The following KIAA0319 variants were observed in gnomAD, a reference collection of about 807,000 sequenced individuals.
The protein encoded by KIAA0319 is KIAA0319, also known as dyslexia-associated protein KIAA0319.
Under a neutral mutation model 108.4 loss-of-function variants are expected in KIAA0319, and 83 were observed. That is an observed-to-expected ratio of 0.77 (90% CI 0.64 to 0.92). KIAA0319 has a LOEUF of 0.92. Among genes scored for constraint, KIAA0319 ranks in the 40% least tolerant of loss-of-function variants. KIAA0319 has a pLI of 0.00. For missense variants in KIAA0319, 1,195 were observed against 1,322.4 expected (o/e 0.90, Z 1.49); for synonymous variants, 484 against 510.4 (o/e 0.95, Z 0.70).
At chr6:24,547,378 G>A (rs2817245) in intron 20 of KIAA0319, 35 bp from the exon 21 acceptor site, 290,468 of 1,579,254 alleles carry the variant, frequency 0.18, 28,854 homozygotes, top group African/African-American at 0.37. Context: ...GAGGAGGAAC[G>A]CCGTGATTCA....
intron 9 of KIAA0319, among the ~76,000 whole-genome samples, chr6:24,577,750 A>C (rs1765751736): frequency 6.6e-6 from 1 of 152,154 alleles, no homozygotes; most frequent in South Asian, 2.1e-4. Flanking sequence ...AAACATCTAA[A>C]GTCCTTCCTT....
At chr6:24,624,239 A>G (rs1774403019) in intron 1 of KIAA0319, among the ~76,000 whole-genome samples, 1 of 126,724 alleles carries the variant, frequency 7.9e-6, no homozygotes, top group Middle Eastern at 5.1e-3. Context: ...ACAGGGTTTC[A>G]TCATATTGCC....
At chr6:24,570,929 G>A (rs887608942) in intron 11 of KIAA0319, among the ~76,000 whole-genome samples, 2 of 152,114 alleles carry the variant, frequency 1.3e-5, no homozygotes, top group African/African-American at 2.4e-5. Flanking sequence ...GGTAGTTCAC[G>A]CCTGTAATCC....
At chr6:24,574,089 T>C (rs1382437130) in intron 10 of KIAA0319, among the ~76,000 whole-genome samples, 1 of 152,084 alleles carries the variant, frequency 6.6e-6, no homozygotes, top group African/African-American at 2.4e-5. Context: ...CACTCCAGCC[T>C]GGGCCACAGA....
At chr6:24,628,044 A>G (rs1025921431) in intron 1 of KIAA0319, among the ~76,000 whole-genome samples, 23 of 152,224 alleles carry the variant, frequency 1.5e-4, no homozygotes, top group Non-Finnish European at 2.2e-4. Context: ...CATTGCTTCC[A>G]GGTTTTATAT....
chr6:24,601,610 T>C (rs1364286880), intron 1 of KIAA0319, among the ~76,000 whole-genome samples: 3 of 152,222 alleles, frequency 2.0e-5, no homozygotes, highest in Non-Finnish European at 4.4e-5. Flanking sequence ...TTGGAGGCTG[T>C]TGCAGTGGGA....
intron 4 of KIAA0319, among the ~76,000 whole-genome samples, chr6:24,585,835 T>TC (rs1030566686): frequency 1.3e-5 from 2 of 152,102 alleles, no homozygotes; most frequent in Admixed American, 6.5e-5. Context: ...ACACCTGTAA[T>TC]CCCAGTACTT....
chr6:24,587,743 C>T (rs139255433), intron 4 of KIAA0319, among the ~76,000 whole-genome samples: 442 of 152,082 alleles, frequency 2.9e-3, no homozygotes, highest in African/African-American at 9.7e-3. Flanking sequence ...TGTGCCACCA[C>T]GCCCAGCTAA....
chr6:24,564,615 G>A (rs1017857216), intron 14 of KIAA0319, among the ~76,000 whole-genome samples: 3 of 152,184 alleles, frequency 2.0e-5, no homozygotes, highest in African/African-American at 7.2e-5. Context: ...ATAATTAATT[G>A]TATCCAACAA....
intron 16 of KIAA0319, among the ~76,000 whole-genome samples, chr6:24,559,396 A>G (rs563848862): frequency 2.0e-5 from 3 of 152,378 alleles, no homozygotes; most frequent in Non-Finnish European, 4.4e-5. Context: ...AGCAATGTGT[A>G]AATTATGTAT....
downstream of KIAA0319, among the ~76,000 whole-genome samples, chr6:24,540,521 T>C (rs749798573): frequency 1.3e-5 from 2 of 152,162 alleles, no homozygotes; most frequent in Non-Finnish European, 2.9e-5. Context: ...GTTCATCATC[T>C]TTAGGAGAAT....
At chr6:24,603,603 C>G (rs991485971) in intron 1 of KIAA0319, among the ~76,000 whole-genome samples, 1 of 151,990 alleles carries the variant, frequency 6.6e-6, no homozygotes, top group Non-Finnish European at 1.5e-5. Flanking sequence ...TTCCGCACCC[C>G]TGTTTCCAGA....
intron 1 of KIAA0319, among the ~76,000 whole-genome samples, chr6:24,606,762 C>T (rs1175731336): frequency 6.6e-6 from 1 of 152,238 alleles, no homozygotes; most frequent in Non-Finnish European, 1.5e-5. Context: ...TGTGATTATA[C>T]ACTGGTCAAA....
At chr6:24,570,177 GAAGCA>G in intron 11 of KIAA0319, 142 bp from the exon 12 acceptor site, 1 of 756,652 alleles carries the variant, frequency 1.3e-6, no homozygotes, top group Non-Finnish European at 2.1e-6. Flanking sequence ...ATCCTGGAGT[GAAGCA>G]CTGCAGCCTC....
At chr6:24,540,923 G>A (rs1012102870), downstream of KIAA0319, among the ~76,000 whole-genome samples, 10 of 148,048 alleles carry the variant, frequency 6.8e-5, no homozygotes, top group African/African-American at 1.7e-4. Context: ...AATTTCACTC[G>A]TTTTTATGTG....
intron 1 of KIAA0319, among the ~76,000 whole-genome samples, chr6:24,603,678 G>A (rs575083935): frequency 1.4e-4 from 22 of 152,236 alleles, no homozygotes; most frequent in African/African-American, 3.6e-4. Context: ...GAAACACCCC[G>A]ACAGATGTCT....
rs564738989 is a variant in KIAA0319 at position 24,620,125 on chromosome 6, T to G, written c.-105-18917A>C. 3.3e-5 allele frequency among the ~76,000 whole-genome samples: 5 copies of G among 152,318 alleles called. No individual in the cohort carries two copies. The South Asian group carries it at 1.0e-3, about 32-fold the overall frequency. On this transcript the variant is annotated intron_variant, in intron 1 of 20. Transcript: ENST00000378214. Reference sequence around the variant, plus strand: ...GTAGTGGAGTCAAGCTTCCTGAACTTGATATTCAGACATGAAAAAAGTATG... The same window carrying G: ...GTAGTGGAGTCAAGCTTCCTGAACTGGATATTCAGACATGAAAAAAGTATG...
At chr6:24,611,459 A>G (rs1772304380) in intron 1 of KIAA0319, among the ~76,000 whole-genome samples, 1 of 152,166 alleles carries the variant, frequency 6.6e-6, no homozygotes, top group Non-Finnish European at 1.5e-5. Flanking sequence ...AGATCGTGCC[A>G]CTGCACTCTA....
chr6:24,618,632 A>C (rs1773490455), intron 1 of KIAA0319, among the ~76,000 whole-genome samples: 1 of 152,054 alleles, frequency 6.6e-6, no homozygotes, highest in Non-Finnish European at 1.5e-5. Flanking sequence ...CCAAACAACA[A>C]CAACAACAAA....
Sources: allele counts gnomAD v4.1 joint callset (sites outside exome capture counted in the v4.1 genomes callset), GRCh38; gene constraint gnomAD v4.1.1; transcripts MANE v1.5; gene names NCBI Gene and HGNC (gene_info 2026-07-23, HGNC 2026-07-21).